ATXN7L1: variants seen among roughly 807,000 people sequenced by gnomAD.
The protein encoded by ATXN7L1 is ataxin-7-like protein 1.
A neutral mutation model predicts 70.8 loss-of-function variants in ATXN7L1; 15 were observed. That is an observed-to-expected ratio of 0.21 (90% CI 0.14 to 0.33). The LOEUF is 0.33. Ranked by LOEUF, ATXN7L1 falls within the 10% of genes least tolerant of loss-of-function variation. The pLI, the probability that ATXN7L1 is intolerant of heterozygous loss-of-function variation, is 1.00. For synonymous variants in ATXN7L1, 440 were observed against 445.1 expected, an observed-to-expected ratio of 0.99 and a Z score of 0.14; for missense variants, 975 against 1,097.1, an observed-to-expected ratio of 0.89 and a Z score of 1.57.
chr7:105,824,038 G>T (rs113444723), intron 2 of ATXN7L1, among the ~76,000 whole-genome samples: 1 of 152,188 alleles, frequency 6.6e-6, no homozygotes. Flanking sequence ...GCTAAACAGA[G>T]TGGATGGACT....
At chr7:105,652,766 A>G (rs995923514) in intron 4 of ATXN7L1, among the ~76,000 whole-genome samples, 9 of 152,208 alleles carry the variant, frequency 5.9e-5, no homozygotes, top group Non-Finnish European at 1.0e-4. Context: ...GCCTTCAAGA[A>G]GCTTTTTCTG....
At chr7:105,738,066 G>A (rs1183715724) in intron 3 of ATXN7L1, among the ~76,000 whole-genome samples, 2 of 152,092 alleles carry the variant, frequency 1.3e-5, no homozygotes, top group Admixed American at 1.3e-4. Context: ...ACCTAAAAGG[G>A]GTGAGTGGTT....
rs1048968452 is a variant in ATXN7L1 at position 105,630,724 on chromosome 7, A to C, written c.1203-6457T>G. Among the ~76,000 whole-genome samples the C allele has an allele frequency of 2.0e-3, 7 of 3,550 alleles. No individual in the cohort carries two copies. The Admixed American group carries it at 0.022, about 11-fold the overall frequency. 2.3% of individuals were successfully genotyped at this position (3,550 alleles called of 152,430 possible). On this transcript the variant is annotated intron_variant, in intron 7 of 11. Transcript: ENST00000419735. ...AGAGTGAGACCCTGTCTCAAAAAAT[A>C]AATAAATAAATAAATAAATAAATAA...
At chr7:105,840,700 A>C (rs568077440) in intron 2 of ATXN7L1, among the ~76,000 whole-genome samples, 1 of 152,338 alleles carries the variant, frequency 6.6e-6, no homozygotes, top group African/African-American at 2.4e-5. Context: ...CAGGGCCAGA[A>C]GCCCCAAGAA....
At chr7:105,818,190 T>TG (rs1033376873) in intron 2 of ATXN7L1, among the ~76,000 whole-genome samples, 26 of 152,154 alleles carry the variant, frequency 1.7e-4, no homozygotes, top group South Asian at 1.0e-3. Flanking sequence ...TTTTTTGAGA[T>TG]GGGGGGTCTC....
intron 4 of ATXN7L1, among the ~76,000 whole-genome samples, chr7:105,664,575 G>GTGTATGTGTGTATATATATATA: frequency 1.5e-5 from 2 of 131,978 alleles, no homozygotes; most frequent in African/African-American, 5.7e-5. Context: ...GTATGTGTGT[G>GTGTATGTGTGTATATATATATA]TATATATATA....
At position 105,639,522 on chromosome 7, in the gene ATXN7L1, T is replaced by C; in HGVS notation, c.910A>G (p.Thr304Ala). The change falls in exon 6 of 12, where the codon ACA (threonine) becomes GCA (alanine). Residue 304 changes from threonine to alanine, a missense_variant. By Grantham distance (58) the Thr-to-Ala change is moderately conservative. Coordinates refer to ENST00000419735, the MANE Select transcript of ATXN7L1 (RefSeq NM_020725.2). ...AGGGATCTTGTGCAAGGTTTCTTTG[T>C]CTCGGGATCCAATACTCCACAGTGT... ...NKHCGVLDPE[T>A]KKPCTRSLTC... 6.4e-7 allele frequency: 1 copy of C among 1,551,644 alleles called. No individual in the cohort carries two copies. The highest frequency in any genetic ancestry group is 8.7e-7 in the Non-Finnish European group (1 of 1,146,940).
At chr7:105,866,156 C>T (rs1187229913) in intron 2 of ATXN7L1, among the ~76,000 whole-genome samples, 1 of 152,156 alleles carries the variant, frequency 6.6e-6, no homozygotes, top group African/African-American at 2.4e-5. Flanking sequence ...ACGTAACTCA[C>T]ACTCCCCCTA....
chr7:105,619,816 C>T (rs1048679652), intron 9 of ATXN7L1, among the ~76,000 whole-genome samples: 3 of 151,686 alleles, frequency 2.0e-5, no homozygotes, highest in Admixed American at 6.6e-5. Flanking sequence ...CTTTGGCCTC[C>T]CAAGCGCTGG....
At chr7:105,698,762 G>T (rs1792064099) in intron 3 of ATXN7L1, among the ~76,000 whole-genome samples, 1 of 152,148 alleles carries the variant, frequency 6.6e-6, no homozygotes, top group South Asian at 2.1e-4. Context: ...TTAGATGTGG[G>T]TTGACTGGAA....
intron 3 of ATXN7L1, among the ~76,000 whole-genome samples, chr7:105,690,904 T>C (rs766624511): frequency 1.8e-4 from 28 of 152,192 alleles, no homozygotes; most frequent in Non-Finnish European, 3.4e-4. Flanking sequence ...TACTCAAACA[T>C]GCACACGGGC....
In ATXN7L1 at chr7:105,652,546, T is replaced by C. The variant is rs1314044445; in HGVS notation, c.579-9425A>G. Among the ~76,000 whole-genome samples the C allele has an allele frequency of 4.6e-5, 7 of 152,278 alleles. No individual in the cohort carries two copies. In the East Asian group the frequency reaches 7.7e-4, roughly 17 times the overall value. On this transcript the variant is annotated intron_variant, in intron 4 of 11. Coordinates refer to ENST00000419735, the MANE Select transcript of ATXN7L1 (RefSeq NM_020725.2). ...TCCCCTCGGCAGCCACCAGAGGTCA[T>C]TGGTTCCTGCTGTTCGAGCTGTAGG...
chr7:105,806,124 G>A (rs1473769544), intron 2 of ATXN7L1, among the ~76,000 whole-genome samples: 1 of 152,090 alleles, frequency 6.6e-6, no homozygotes, highest in Non-Finnish European at 1.5e-5. Flanking sequence ...ACCAGGAAGA[G>A]GGGAAGACAG....
intron 3 of ATXN7L1, among the ~76,000 whole-genome samples, chr7:105,692,454 CTTCT>C (rs1791131254): frequency 8.2e-6 from 1 of 122,006 alleles, no homozygotes; most frequent in Non-Finnish European, 1.8e-5. Context: ...CCCTTCCTTC[CTTCT>C]TTTTTTGAGA....
chr7:105,680,687 G>A (rs534609761), intron 3 of ATXN7L1, among the ~76,000 whole-genome samples: 1 of 152,310 alleles, frequency 6.6e-6, no homozygotes, highest in East Asian at 1.9e-4. Context: ...GGGCCCCTGG[G>A]CACATTCCCT....
intron 2 of ATXN7L1, among the ~76,000 whole-genome samples, chr7:105,871,907 T>C (rs1171437251): frequency 1.3e-5 from 2 of 152,114 alleles, no homozygotes; most frequent in Non-Finnish European, 2.9e-5. Flanking sequence ...TGGGGAACTG[T>C]ATTACAGTAA....
chr7:105,834,116 C>G (rs1812028843), intron 2 of ATXN7L1, among the ~76,000 whole-genome samples: 1 of 152,182 alleles, frequency 6.6e-6, no homozygotes, highest in Non-Finnish European at 1.5e-5. Flanking sequence ...GATCTCAGCT[C>G]ACCGCAAACT....
intron 3 of ATXN7L1, among the ~76,000 whole-genome samples, chr7:105,770,218 C>A (rs1042266875): frequency 2.6e-5 from 4 of 152,192 alleles, no homozygotes; most frequent in African/African-American, 9.7e-5. Flanking sequence ...GCATAGATGG[C>A]GTTTCTGCTC....
intron 2 of ATXN7L1, among the ~76,000 whole-genome samples, chr7:105,836,916 GGTGTGGTGGT>G (rs1478685805): frequency 2.0e-5 from 3 of 152,082 alleles, no homozygotes. Context: ...AAATTAGCCG[GGTGTGGTGGT>G]GTGTGCCTGT....
Sources: gnomAD v4.1 joint callset for allele counts (sites outside exome capture counted in the v4.1 genomes callset) on GRCh38, gnomAD v4.1.1 for gene constraint, MANE v1.5 for transcripts, NCBI Gene and HGNC (gene_info 2026-07-23, HGNC 2026-07-21) for gene names.